The following STK3 variants were observed in gnomAD, a reference collection of about 807,000 sequenced individuals.
The protein encoded by STK3 is serine/threonine-protein kinase 3.
STK3 carries 41 observed loss-of-function variants against 58.0 expected under a neutral mutation model. The ratio of observed to expected loss-of-function variants is 0.71; its 90% CI spans 0.55 to 0.92. The LOEUF is 0.92. Ranked by LOEUF, STK3 falls within the 40% of genes least tolerant of loss-of-function variation. The probability of loss-of-function intolerance (pLI) is 0.00; values close to 1 mark genes in which losing one functional copy is unlikely to be tolerated. For synonymous variants in STK3, 170 were observed against 191.0 expected, an observed-to-expected ratio of 0.89 and a Z score of 0.91; for missense variants, 479 against 602.7, an observed-to-expected ratio of 0.79 and a Z score of 2.15.
chr8:98,467,635 G>C (rs1346751984), intron 10 of STK3, among the ~76,000 whole-genome samples: 1 of 151,842 alleles, frequency 6.6e-6, no homozygotes, highest in Non-Finnish European at 1.5e-5. Flanking sequence ...GTGAAGATGA[G>C]GGTATTTTTT....
At chr8:98,539,180 C>G (rs1033574890) in intron 9 of STK3, among the ~76,000 whole-genome samples, 1 of 152,134 alleles carries the variant, frequency 6.6e-6, no homozygotes, top group Non-Finnish European at 1.5e-5. Context: ...TCCTTTGGCT[C>G]AAGGCTGTAC....
At chr8:98,747,039 C>A (rs531678355) in intron 4 of STK3, among the ~76,000 whole-genome samples, 1 of 145,372 alleles carries the variant, frequency 6.9e-6, no homozygotes, top group East Asian at 2.0e-4. Context: ...GAGAACCTGT[C>A]TCAGAAAAAG....
At chr8:98,601,738 G>A (rs558369731) in intron 6 of STK3, 1 of 152,356 alleles carries the variant, frequency 6.6e-6, no homozygotes, top group African/African-American at 2.4e-5. Context: ...GAGTGAGTCA[G>A]TGAAGCACAG....
At chr8:98,562,425 A>C (rs538138468) in intron 8 of STK3, among the ~76,000 whole-genome samples, 1 of 152,284 alleles carries the variant, frequency 6.6e-6, no homozygotes, top group East Asian at 1.9e-4. Flanking sequence ...TGAAAAGGCT[A>C]CATAATATAT....
At chr8:98,491,109 A>G (rs1203030312) in intron 10 of STK3, among the ~76,000 whole-genome samples, 1 of 151,284 alleles carries the variant, frequency 6.6e-6, no homozygotes, top group Non-Finnish European at 1.5e-5. Flanking sequence ...GCCATTTATT[A>G]CTGTGTAGTG....
At chr8:98,627,340 CCT>C (rs1818797044) in intron 6 of STK3, among the ~76,000 whole-genome samples, 1 of 151,946 alleles carries the variant, frequency 6.6e-6, no homozygotes, top group African/African-American at 2.4e-5. Context: ...ATGGTGAAAC[CCT>C]GTCTCTACTA....
At chr8:98,681,234 T>G (rs531333187) in intron 6 of STK3, among the ~76,000 whole-genome samples, 8 of 152,182 alleles carry the variant, frequency 5.3e-5, no homozygotes, top group South Asian at 2.1e-4. Context: ...CCTGACCTTG[T>G]GATCCAACCA....
At chr8:98,613,681 A>G (rs1379651580) in intron 6 of STK3, among the ~76,000 whole-genome samples, 1 of 152,086 alleles carries the variant, frequency 6.6e-6, no homozygotes, top group African/African-American at 2.4e-5. Context: ...AAAATGCAAA[A>G]CTTTAGCCAT....
At chr8:98,380,797 T>TA (rs759273371) in intron 1 of STK3, among the ~76,000 whole-genome samples, 8 of 152,172 alleles carry the variant, frequency 5.3e-5, no homozygotes, top group Non-Finnish European at 1.0e-4. Context: ...ATTTGTAAAT[T>TA]ACCTGTTTAT....
At chr8:98,352,695 A>G in the STK3 span, among the ~76,000 whole-genome samples, 67 of 152,358 alleles carry the variant, frequency 4.4e-4, no homozygotes, top group African/African-American at 1.5e-3. Flanking sequence ...AAAGTCATCC[A>G]GCAGAATGTT....
chr8:98,635,202 C>T (rs183587789), intron 6 of STK3, among the ~76,000 whole-genome samples: 1 of 152,206 alleles, frequency 6.6e-6, no homozygotes, highest in East Asian at 1.9e-4. Flanking sequence ...TGTGCTTAGG[C>T]TGTCTCAGCA....
chr8:98,652,186 T>A (rs892063059), intron 6 of STK3, among the ~76,000 whole-genome samples: 11 of 152,160 alleles, frequency 7.2e-5, no homozygotes, highest in African/African-American at 2.7e-4. Context: ...TCAAGATTAT[T>A]AAAGAAAAGA....
chr8:98,845,103 G>T (rs946495885), intron 3 of STK3, among the ~76,000 whole-genome samples: 1 of 152,192 alleles, frequency 6.6e-6, no homozygotes. Flanking sequence ...CGATTCTATG[G>T]CTACATCATG....
chr8:98,396,270 T>A (rs951943116), intron 3 of STK3, among the ~76,000 whole-genome samples: 2 of 152,250 alleles, frequency 1.3e-5, no homozygotes, highest in African/African-American at 4.8e-5. Flanking sequence ...ATGTTTTACA[T>A]AAAATTAATG....
chr8:98,408,145 C>G (rs922701677), intron 3 of STK3, among the ~76,000 whole-genome samples: 1 of 152,140 alleles, frequency 6.6e-6, no homozygotes, highest in Non-Finnish European at 1.5e-5. Flanking sequence ...AGTCACCCAG[C>G]CTTTAAGAAC....
chr8:98,465,206 G>A (rs1485203299), intron 10 of STK3, among the ~76,000 whole-genome samples: 2 of 152,142 alleles, frequency 1.3e-5, no homozygotes, highest in African/African-American at 4.8e-5. Flanking sequence ...TGACAGGTGA[G>A]GATGCTTAGA....
At chr8:98,352,372 T>C in the STK3 span, among the ~76,000 whole-genome samples, 1 of 152,188 alleles carries the variant, frequency 6.6e-6, no homozygotes, top group East Asian at 1.9e-4. Flanking sequence ...GCTTTCCCCA[T>C]ATGAACTGTA....
At chr8:98,809,880 T>C (rs551664739) in intron 1 of STK3, among the ~76,000 whole-genome samples, 1 of 152,284 alleles carries the variant, frequency 6.6e-6, no homozygotes, top group South Asian at 2.1e-4. Context: ...TATAAAGAAA[T>C]ACCTGAGACT....
the STK3 span, among the ~76,000 whole-genome samples, chr8:98,349,466 G>T: frequency 6.6e-6 from 1 of 152,176 alleles, no homozygotes; most frequent in Non-Finnish European, 1.5e-5. Flanking sequence ...TAAGCTGTTG[G>T]TGGATCTACC....
Sources: gnomAD v4.1 joint callset for allele counts (sites outside exome capture counted in the v4.1 genomes callset) on GRCh38, gnomAD v4.1.1 for gene constraint, MANE v1.5 for transcripts, NCBI Gene and HGNC (gene_info 2026-07-23, HGNC 2026-07-21) for gene names.